ADGRG7: variants seen among roughly 807,000 people sequenced by gnomAD.
ADGRG7 encodes the protein G-protein coupled receptor 128.
A neutral mutation model predicts 88.6 loss-of-function variants in ADGRG7; 82 were observed. The observed-to-expected ratio is 0.93, with a 90% CI of 0.77 to 1.11. The LOEUF is 1.11. Ranked by LOEUF, ADGRG7 falls within the 50% of genes most tolerant of loss-of-function variation. The probability of loss-of-function intolerance (pLI) is 0.00; values close to 1 mark genes in which losing one functional copy is unlikely to be tolerated. For synonymous variants in ADGRG7, 381 were observed against 345.2 expected (o/e 1.10, Z -1.15); for missense variants, 945 against 953.4 (o/e 0.99, Z 0.12).
chr3:100,649,288 G>A (rs75085960), intron 10 of ADGRG7, among the ~76,000 whole-genome samples: 3,536 of 152,238 alleles, frequency 0.023, 139 homozygotes, highest in African/African-American at 0.08. Context: ...ATGAGGAAAC[G>A]TAGATGGAAA....
At chr3:100,635,581 C>T (rs1707524764) in intron 4 of ADGRG7, 96 bp from the exon 5 acceptor site, 7 of 1,531,790 alleles carry the variant, frequency 4.6e-6, no homozygotes, top group Non-Finnish European at 6.1e-6. Context: ...GAGATTGAGG[C>T]TCAGCTAAAT....
chr3:100,646,045 A>G lies in ADGRG7; in HGVS notation c.1047A>G (p.Ser349=), dbSNP rs1458781711. 4 of 1,611,248 alleles carry G rather than the reference A, an allele frequency of 2.5e-6. No individual in the cohort carries two copies. The highest frequency in any genetic ancestry group is 2.2e-5 in the East Asian group (1 of 44,776). ...AKSDFSQKII[S]SKTDENEQDQ... ...CGGATTTTAGTCAAAAAATTATCTC[A>G]AGCAAAACTGATGAAAATGAGCAAG... Residue 349 remains serine (S), a synonymous_variant, in exon 9 of 16, where the codon TCA becomes TCG. Transcript: ENST00000273352.
At chr3:100,610,272 C>T (rs1321305156) in intron 1 of ADGRG7, among the ~76,000 whole-genome samples, 1 of 152,178 alleles carries the variant, frequency 6.6e-6, no homozygotes, top group Non-Finnish European at 1.5e-5. Context: ...TAGTAACACA[C>T]ATTTAGGTCT....
chr3:100,643,340 A>G lies in ADGRG7; in HGVS notation c.773A>G (p.Gln258Arg). 2 of 1,614,106 alleles carry G rather than the reference A, an allele frequency of 1.2e-6. No individual in the cohort carries two copies. Among genetic ancestry groups the G allele is most frequent in the Non-Finnish European group, 1.7e-6 (2 of 1,179,934 alleles). Reference protein sequence around the residue: ...QSVVEPNIAIQSANFSSENAV... With the variant: ...QSVVEPNIAIRSANFSSENAV... ...GTGGTGGAACCTAACATAGCAATACAGTCAGCAAATTTCTCTTCAGAAAAT... is the reference window on the plus strand; with the variant it reads ...GTGGTGGAACCTAACATAGCAATACGGTCAGCAAATTTCTCTTCAGAAAAT... Residue 258 changes from glutamine to arginine, a missense_variant, in exon 7 of 16, where the codon CAG (glutamine) becomes CGG (arginine). Coordinates refer to ENST00000273352, the MANE Select transcript of ADGRG7 (RefSeq NM_032787.3).
intron 1 of ADGRG7, among the ~76,000 whole-genome samples, chr3:100,624,289 G>A (rs1707352527): frequency 6.6e-6 from 1 of 152,174 alleles, no homozygotes; most frequent in African/African-American, 2.4e-5. Flanking sequence ...GTAATGATCA[G>A]TGTGAAGTTG....
At chr3:100,659,560 A>C (rs752139151) in intron 13 of ADGRG7, 128 bp from the exon 14 acceptor site, 54 of 716,438 alleles carry the variant, frequency 7.5e-5, no homozygotes, top group Non-Finnish European at 1.1e-4. Context: ...TCAAATGTGT[A>C]AAATGCAGAG....
chr3:100,616,322 A>G lies in ADGRG7; in HGVS notation c.115+6351A>G, dbSNP rs1180034735. ...AGGATTAACCCTCCCAGAATTGGAT[A>G]TAACAAAACCATCTGAAAGAGAATA... is the stretch of plus-strand genomic sequence containing the variant. On this transcript the variant is annotated intron_variant, in intron 1 of 15. Transcript: ENST00000273352. Among the ~76,000 whole-genome samples the G allele has an allele frequency of 1.1e-4, 17 of 152,322 alleles. No homozygotes were observed. In the East Asian group the frequency reaches 2.7e-3, roughly 24 times the overall value.
intron 11 of ADGRG7, among the ~76,000 whole-genome samples, chr3:100,653,390 C>T (rs144006063): frequency 2.0e-5 from 3 of 152,152 alleles, no homozygotes; most frequent in Non-Finnish European, 4.4e-5. Context: ...GTATAAGTGA[C>T]TTTTAAATAT....
At chr3:100,690,772 G>A (rs574661108) in intron 15 of ADGRG7, among the ~76,000 whole-genome samples, 64 of 149,770 alleles carry the variant, frequency 4.3e-4, no homozygotes, top group African/African-American at 1.2e-3. Flanking sequence ...GTGTCAGTCC[G>A]CCCCTACTTG....
intron 1 of ADGRG7, among the ~76,000 whole-genome samples, chr3:100,626,105 T>A (rs533183613): frequency 1.9e-4 from 29 of 152,340 alleles, no homozygotes; most frequent in African/African-American, 7.0e-4. Flanking sequence ...TCTTGGTATC[T>A]CTGGTAGAAT....
chr3:100,686,885 A>T (rs375722892), intron 15 of ADGRG7, among the ~76,000 whole-genome samples: 38 of 152,216 alleles, frequency 2.5e-4, no homozygotes, highest in South Asian at 1.2e-3. Context: ...ATATGAACGA[A>T]CTTTAAAGTA....
chr3:100,687,092 T>C (rs2094984085), intron 15 of ADGRG7, among the ~76,000 whole-genome samples: 1 of 152,214 alleles, frequency 6.6e-6, no homozygotes, highest in South Asian at 2.1e-4. Context: ...AAGAGGTCCT[T>C]CACATCCCTT....
Position 100,630,702 on chromosome 3 carries a change from C to T in ADGRG7, c.230-3C>T. 7.5e-7 allele frequency: 1 copy of T among 1,341,058 alleles called. No individual in the cohort carries two copies. The highest frequency in any genetic ancestry group is 9.8e-7 in the Non-Finnish European group (1 of 1,018,158). The allele number at this position is 1,341,058 out of a possible 1,614,324, so 83.1% of individuals were successfully genotyped here. A position where few individuals can be genotyped will look rare whatever the true frequency, so the allele number is the denominator to read the frequency against. On this transcript the variant is annotated splice_polypyrimidine_tract_variant and splice_region_variant and intron_variant, in intron 2 of 15. Coordinates refer to ENST00000273352, the MANE Select transcript of ADGRG7 (RefSeq NM_032787.3). ...AATAAAGAACTTTTTCTCTTTATTA[C>T]AGCTAATTTTTGTGAAAATAGTACC...
Position 100,694,770 on chromosome 3 carries a change from T to G in ADGRG7, c.2163T>G (p.Thr721=). The change falls in exon 16 of 16, where the codon ACT becomes ACG. Residue 721 remains threonine, a synonymous_variant. Transcript: ENST00000273352. The part of the protein sequence containing the change: ...TQGLQIFILY[T]VRTKVFQSEA... ...GATTGCAAATTTTTATCCTGTACAC[T>G]GTTAGAACAAAAGTCTTCCAGAGTG... The G allele has an allele frequency of 6.2e-7, 1 of 1,614,126 alleles. No homozygotes were observed. Among genetic ancestry groups the G allele is most frequent in the Non-Finnish European group, 8.5e-7 (1 of 1,179,934 alleles).
intron 15 of ADGRG7, among the ~76,000 whole-genome samples, chr3:100,684,668 T>G (rs889737725): frequency 6.6e-6 from 1 of 152,160 alleles, no homozygotes; most frequent in Non-Finnish European, 1.5e-5. Context: ...TAGTTTTTTT[T>G]CCCTATACGT....
chr3:100,659,404 C>A (rs1422794145), intron 13 of ADGRG7, among the ~76,000 whole-genome samples: 1 of 123,878 alleles, frequency 8.1e-6, no homozygotes, highest in South Asian at 2.8e-4. Context: ...TGCACCACTG[C>A]AGTCCAGCCT....
intron 11 of ADGRG7, chr3:100,654,585 C>G (rs972753378): frequency 3.0e-6 from 1 of 335,142 alleles, no homozygotes; most frequent in Admixed American, 4.5e-5. Context: ...CACTTTTGAT[C>G]AGAACACAGT....
At chr3:100,623,601 G>C (rs1707342025) in intron 1 of ADGRG7, among the ~76,000 whole-genome samples, 1 of 152,086 alleles carries the variant, frequency 6.6e-6, no homozygotes, top group Admixed American at 6.5e-5. Flanking sequence ...TGTTACATAG[G>C]TATACGTGTG....
chr3:100,628,325 A>C (rs1457101186), intron 1 of ADGRG7, among the ~76,000 whole-genome samples: 1 of 151,852 alleles, frequency 6.6e-6, no homozygotes, highest in East Asian at 1.9e-4. Flanking sequence ...AATATGGTAC[A>C]ATCTATTCCA....
Sources: gnomAD v4.1 joint callset for allele counts (sites outside exome capture counted in the v4.1 genomes callset) on GRCh38, gnomAD v4.1.1 for gene constraint, MANE v1.5 for transcripts, NCBI Gene and HGNC (gene_info 2026-07-23, HGNC 2026-07-21) for gene names.